Variants in PABPN1L observed in about 807,000 individuals in gnomAD.
PABPN1L encodes PABPN1 like, cytoplasmic, also known as embryonic polyadenylate-binding protein 2.
In PABPN1L, 45 loss-of-function variants were observed where a neutral mutation model predicts 34.0. The observed-to-expected ratio is 1.32, with a 90% confidence interval of 1.04 to 1.70. The LOEUF is 1.70. Ranked by LOEUF, PABPN1L falls within the 40% of genes most tolerant of loss-of-function variation. The pLI, the probability that PABPN1L is intolerant of heterozygous loss-of-function variation, is 0.00. For missense variants in PABPN1L, 459 were observed against 367.8 expected (o/e 1.25, Z -2.03); for synonymous variants, 182 against 152.1 (o/e 1.20, Z -1.45).
upstream of PABPN1L, among the ~76,000 whole-genome samples, chr16:88,868,020 G>C (rs1282004344): frequency 6.6e-6 from 1 of 152,196 alleles, no homozygotes; most frequent in Non-Finnish European, 1.5e-5. Context: ...GAGAGAGACA[G>C]GGCGTGGCCT....
At chr16:88,867,382 C>T (rs1428287704), upstream of PABPN1L, among the ~76,000 whole-genome samples, 1 of 152,164 alleles carries the variant, frequency 6.6e-6, no homozygotes, top group Non-Finnish European at 1.5e-5. Flanking sequence ...CACCTGCCAC[C>T]ATGCCCAGCT....
chr16:88,866,478 C>T (rs186881637), exon 1 of PABPN1L: 16 of 1,551,402 alleles, frequency 1.0e-5, no homozygotes, highest in Admixed American at 3.9e-5. Flanking sequence ...CTTCCCCACC[C>T]TCTGGCCCCA....
At position 88,865,848 on chromosome 16, in the gene PABPN1L, C is replaced by A. The variant is rs1298779696; in HGVS notation, c.349G>T (p.Glu117Ter). ...AGCAGCTGCCCGGCCGCGGTGCCCT[C>A]CTCTTCCTCGGCCTGTTGCTGCACT... The change falls in exon 2 of 7, where the codon GAG becomes TAG. Residue 117 changes from glutamate (E) to a stop codon, truncating the protein, a stop_gained. Transcript: ENST00000419291. LOFTEE classifies it high-confidence loss of function. The A allele has an allele frequency of 6.2e-7, 1 of 1,610,046 alleles. No individual in the cohort carries two copies. The highest frequency in any genetic ancestry group is 1.7e-5 in the Admixed American group (1 of 59,838).
chr16:88,865,045 G>A (rs1968556844), exon 4 of PABPN1L: 1 of 1,600,958 alleles, frequency 6.2e-7, no homozygotes, highest in Non-Finnish European at 8.5e-7. Context: ...CAGAGAACTT[G>A]TCACACAGGA....
At chr16:88,865,861 C>G (rs775901459) in exon 2 of PABPN1L, 1 of 1,610,202 alleles carries the variant, frequency 6.2e-7, no homozygotes, top group Non-Finnish European at 8.5e-7. Context: ...CTTCCTCGGC[C>G]TGTTGCTGCA....
upstream of PABPN1L, among the ~76,000 whole-genome samples, chr16:88,869,121 A>C (rs908941889): frequency 1.3e-5 from 2 of 152,190 alleles, no homozygotes; most frequent in Non-Finnish European, 2.9e-5. Flanking sequence ...TTCGGCTCCC[A>C]GCTTGACTTT....
At chr16:88,867,897 C>T (rs554605026), upstream of PABPN1L, among the ~76,000 whole-genome samples, 2 of 152,288 alleles carry the variant, frequency 1.3e-5, no homozygotes, top group Admixed American at 6.5e-5. Flanking sequence ...TGGTGGGAGA[C>T]GGGGCCCCCT....
intron 3 of PABPN1L, 128 bp from the exon 4 acceptor site, chr16:88,865,256 C>T (rs922685536): frequency 4.6e-5 from 44 of 961,472 alleles, no homozygotes; most frequent in Admixed American, 3.5e-4. Flanking sequence ...GCCTCCACCC[C>T]ACACCCCCGC....
chr16:88,865,021 C>T lies in PABPN1L; in HGVS notation c.566+1G>A, dbSNP rs757498761. On this transcript the variant is annotated splice_donor_variant, in intron 4 of 6. Coordinates refer to ENST00000419291, the Ensembl canonical transcript of PABPN1L. LOFTEE classifies it high-confidence loss of function. ...GTGCCCCCACCAGGCCCCACACTGA[C>T]CCCTTGGGGTGTCCAGAGAACTTGT... 12 of 1,599,256 alleles carry T rather than the reference C, an allele frequency of 7.5e-6. No homozygotes were observed. Among genetic ancestry groups the T allele is most frequent in the Non-Finnish European group, 1.0e-5 (12 of 1,173,666 alleles).
chr16:88,866,445 TTCC>T (rs1232890227), exon 1 of PABPN1L: 33 of 1,551,460 alleles, frequency 2.1e-5, no homozygotes, highest in Non-Finnish European at 2.7e-5. Context: ...CTGCATCCTC[TTCC>T]TCCTCTTTCT....
At chr16:88,870,068 G>A (rs540136479), upstream of PABPN1L, among the ~76,000 whole-genome samples, 19 of 152,228 alleles carry the variant, frequency 1.2e-4, no homozygotes, top group South Asian at 2.5e-3. Flanking sequence ...TCCACCCTCA[G>A]GTCCCCTGTG....
At chr16:88,864,293 GGGT>G (rs2143019518) in exon 6 of PABPN1L, 8 of 1,556,346 alleles carry the variant, frequency 5.1e-6, no homozygotes, top group Non-Finnish European at 7.0e-6. Context: ...TGTGGGGGAA[GGGT>G]GCCCCCCTGG....
At chr16:88,869,205 C>A (rs1358830337), upstream of PABPN1L, among the ~76,000 whole-genome samples, 2 of 152,228 alleles carry the variant, frequency 1.3e-5, no homozygotes, top group Non-Finnish European at 2.9e-5. Context: ...TGACTGAAGA[C>A]CATGCTGTCA....
intron 5 of PABPN1L, among the ~76,000 whole-genome samples, 168 bp from the exon 6 acceptor site, chr16:88,864,547 C>G (rs903300054): frequency 6.9e-6 from 1 of 145,924 alleles, no homozygotes; most frequent in Non-Finnish European, 1.5e-5. Context: ...TATGACACCC[C>G]GTCACGGCCA....
upstream of PABPN1L, chr16:88,866,735 G>A (rs916906328): frequency 1.2e-5 from 16 of 1,316,758 alleles, no homozygotes; most frequent in South Asian, 3.2e-5. Flanking sequence ...TAGAGCATTT[G>A]CAAAGGCTGA....
rs1489634369 is a variant in PABPN1L at position 88,864,393 on chromosome 16, C to G, written c.655-14G>C. 6.4e-7 allele frequency: 1 copy of G among 1,552,314 alleles called. No individual in the cohort carries two copies. Among genetic ancestry groups the G allele is most frequent in the South Asian group, 1.2e-5 (1 of 84,116 alleles). Reference sequence around the variant, plus strand: ...TTTCGGCAGCACCTGGAGCAAAGGCCTGTTTTGAGTCCTCCTCAAGGAGCA... The same window carrying G: ...TTTCGGCAGCACCTGGAGCAAAGGCGTGTTTTGAGTCCTCCTCAAGGAGCA... On this transcript the variant is annotated splice_polypyrimidine_tract_variant and intron_variant, in intron 5 of 6. Transcript: ENST00000419291.
At chr16:88,864,885 C>A (rs1307398927) in exon 5 of PABPN1L, 1 of 1,611,396 alleles carries the variant, frequency 6.2e-7, no homozygotes, top group South Asian at 1.1e-5. Context: ...AGGCTCTGGT[C>A]CAGCTCCACG....
At chr16:88,865,446 C>A in intron 3 of PABPN1L, 117 bp downstream of exon 3, 1 of 1,309,480 alleles carries the variant, frequency 7.6e-7, no homozygotes, top group Non-Finnish European at 1.1e-6. Flanking sequence ...ACGGGGCTGC[C>A]CCCAGGGTCA....
At chr16:88,869,491 C>T (rs1968659253), upstream of PABPN1L, among the ~76,000 whole-genome samples, 2 of 152,230 alleles carry the variant, frequency 1.3e-5, no homozygotes, top group Admixed American at 1.3e-4. Context: ...GATGACTTGG[C>T]CAGCTCTCCC....
Sources: allele counts gnomAD v4.1 joint callset (sites outside exome capture counted in the v4.1 genomes callset), GRCh38; gene constraint gnomAD v4.1.1; transcripts MANE v1.5; gene names NCBI Gene and HGNC (gene_info 2026-07-23, HGNC 2026-07-21).